The following CFAP69 variants were observed in gnomAD, a reference collection of about 807,000 sequenced individuals.
CFAP69 encodes the protein cilia- and flagella-associated protein 69.
A neutral mutation model predicts 123.0 loss-of-function variants in CFAP69; 92 were observed. The observed-to-expected ratio is 0.75, with a 90% confidence interval of 0.63 to 0.89. The LOEUF (loss-of-function observed/expected upper bound fraction) is 0.89. Among genes scored for constraint, CFAP69 ranks in the 40% least tolerant of loss-of-function variants. CFAP69 has a pLI of 0.00. For synonymous variants in CFAP69, 380 were observed against 364.3 expected (o/e 1.04, Z -0.49); for missense variants, 1,067 against 1,096.9 (o/e 0.97, Z 0.39).
intron 22 of CFAP69, 148 bp from the exon 23 acceptor site, chr7:90,309,920 G>A (rs1327073972): frequency 1.7e-6 from 1 of 574,334 alleles, no homozygotes; most frequent in African/African-American, 1.9e-5. Flanking sequence ...TGGCTCCGAT[G>A]CCCTTATCTT....
chr7:90,255,457 T>G lies in CFAP69; in HGVS notation c.155T>G (p.Ile52Ser). The G allele has an allele frequency of 6.2e-7, 1 of 1,612,918 alleles. No homozygotes were observed. The highest frequency in any genetic ancestry group is 8.5e-7 in the Non-Finnish European group (1 of 1,179,350). ...AAGCCTATGGACCTTAATCGTGTCA[T>G]CAAACTCCTCGAAGAGACTGATAAA... Reference protein sequence around the residue: ...VFKPMDLNRVIKLLEETDKDG... With the variant: ...VFKPMDLNRVSKLLEETDKDG... The change falls in exon 2 of 23, where the codon ATC becomes AGC. Residue 52 changes from isoleucine (I) to serine (S), a missense_variant. By Grantham distance (142) the Ile-to-Ser change is moderately radical (BLOSUM62 -2). Transcript: ENST00000389297.
At position 90,257,966 on chromosome 7, in the gene CFAP69, C is replaced by T. The variant is rs187341631; in HGVS notation, c.181-132C>T. The T allele has an allele frequency of 2.1e-3, 1,204 of 560,598 alleles. 7 individuals are homozygous for T. The highest frequency in any genetic ancestry group is 8.3e-3 in the Middle Eastern group (17 of 2,054). 34.7% of individuals were successfully genotyped at this position (560,598 alleles called of 1,614,324 possible). ...CACTGTTTCAGAAAACATTTTATAA[C>T]GTTTACATTATAATATAGTAATTTA... On this transcript the variant is annotated intron_variant, in intron 2 of 22. Coordinates refer to ENST00000389297, the MANE Select transcript of CFAP69 (RefSeq NM_001039706.3).
intron 15 of CFAP69, among the ~76,000 whole-genome samples, chr7:90,288,666 A>T (rs776325356): frequency 2.2e-4 from 33 of 149,134 alleles, no homozygotes; most frequent in Non-Finnish European, 4.6e-4. Context: ...AATAAAAGAT[A>T]AAAAAAAATT....
chr7:90,284,155 G>GT (rs1290903067), intron 13 of CFAP69, among the ~76,000 whole-genome samples: 5 of 152,174 alleles, frequency 3.3e-5, no homozygotes, highest in Admixed American at 6.6e-5. Flanking sequence ...AATAGCAATG[G>GT]TTTTTTTCTT....
chr7:90,286,800 C>T (rs1790352600), intron 14 of CFAP69, among the ~76,000 whole-genome samples: 1 of 151,884 alleles, frequency 6.6e-6, no homozygotes, highest in Admixed American at 6.6e-5. Flanking sequence ...GAAATATATC[C>T]ATGTTGGCCG....
chr7:90,250,072 G>T (rs1482982980), intron 1 of CFAP69, among the ~76,000 whole-genome samples: 2 of 152,038 alleles, frequency 1.3e-5, no homozygotes, highest in Non-Finnish European at 2.9e-5. Flanking sequence ...TCTGTAGTTG[G>T]CTGCATGTGT....
At chr7:90,258,849 G>A (rs975720871) in intron 3 of CFAP69, among the ~76,000 whole-genome samples, 39 of 152,154 alleles carry the variant, frequency 2.6e-4, no homozygotes, top group Non-Finnish European at 8.8e-5. Context: ...TGTGGATAAT[G>A]TCAGTTTTTG....
In CFAP69 at chr7:90,245,237, G is replaced by C. The variant is rs1796186695; in HGVS notation, c.-188G>C. 3 of 651,746 alleles carry C rather than the reference G, an allele frequency of 4.6e-6. No individual in the cohort carries two copies. The highest frequency in any genetic ancestry group is 6.9e-6 in the Non-Finnish European group (3 of 437,774). 40.4% of individuals were successfully genotyped at this position (651,746 alleles called of 1,614,324 possible). A position where few individuals can be genotyped will look rare whatever the true frequency, so the allele number is the denominator to read the frequency against. ...CAGAGGTCTGGGTCAACTGGGGGGCGGCAGCGGCGCTAAGCGGACTGTATG... is the reference window on the plus strand; with the variant it reads ...CAGAGGTCTGGGTCAACTGGGGGGCCGCAGCGGCGCTAAGCGGACTGTATG... On this transcript the variant is annotated 5_prime_UTR_variant, in exon 1 of 23. Transcript: ENST00000389297.
At chr7:90,307,920 G>A in intron 21 of CFAP69, 66 bp downstream of exon 21, 1 of 1,013,140 alleles carries the variant, frequency 9.9e-7, no homozygotes, top group Non-Finnish European at 1.5e-6. Flanking sequence ...GACTTTTTCA[G>A]GAACAAATAT....
At position 90,304,828 on chromosome 7, in the gene CFAP69, T is replaced by C; in HGVS notation, c.2265+8T>C. 1 of 1,405,086 alleles carries C rather than the reference T, an allele frequency of 7.1e-7. No homozygotes were observed. Among genetic ancestry groups the C allele is most frequent in the Non-Finnish European group, 9.9e-7 (1 of 1,006,416 alleles). The allele number at this position is 1,405,086 out of a possible 1,614,324, so 87.0% of individuals were successfully genotyped here. On this transcript the variant is annotated splice_region_variant and intron_variant, in intron 19 of 22. Transcript: ENST00000389297. ...AGATATCTTGATTTTAAAGTAAGTA[T>C]CTTTTTAATAACCTGATTATTAAAA... is the stretch of plus-strand genomic sequence containing the variant.
chr7:90,245,549 G>T lies in CFAP69; in HGVS notation c.120+5G>T. 1.3e-6 allele frequency: 2 copies of T among 1,489,194 alleles called. No homozygotes were observed. Among genetic ancestry groups the T allele is most frequent in the South Asian group, 2.7e-5 (2 of 73,468 alleles). The allele number at this position is 1,489,194 out of a possible 1,614,324, so 92.2% of individuals were successfully genotyped here. A position where few individuals can be genotyped will look rare whatever the true frequency, so the allele number is the denominator to read the frequency against. ...ACGGAGGACGATGAGGCGCAGGTAT[G>T]AGCAGGTGTCTGTGCTTTCAGAGGT... On this transcript the variant is annotated splice_donor_5th_base_variant and intron_variant, in intron 1 of 22. Coordinates refer to ENST00000389297, the MANE Select transcript of CFAP69 (RefSeq NM_001039706.3).
chr7:90,276,849 GT>G (rs1431383709), intron 9 of CFAP69, among the ~76,000 whole-genome samples: 2 of 152,100 alleles, frequency 1.3e-5, no homozygotes, highest in Admixed American at 6.6e-5. Flanking sequence ...ACAGAAGTAA[GT>G]TTAAAATTAA....
downstream of CFAP69, among the ~76,000 whole-genome samples, chr7:90,314,287 T>C (rs941303063): frequency 6.6e-6 from 1 of 152,130 alleles, no homozygotes; most frequent in African/African-American, 2.4e-5. Flanking sequence ...TTGGTTTCAG[T>C]GTATTAGTTG....
rs201626420 is a variant in CFAP69, at chr7:90,284,257, T to TAA, written c.1537+1201_1537+1202insAA. On this transcript the variant is annotated intron_variant, in intron 13 of 22. Coordinates refer to ENST00000389297, the MANE Select transcript of CFAP69 (RefSeq NM_001039706.3). ...CTTGTCTTATTGAGTCTAACATGGC[T>TAA]GTGTAGTAGTAACGTGCTCAATAAG... is the stretch of plus-strand genomic sequence containing the variant. Among the ~76,000 whole-genome samples, 1,283 of 152,276 alleles carry TAA rather than the reference T, an allele frequency of 8.4e-3. 9 individuals are homozygous for TAA. The highest frequency in any genetic ancestry group is 0.061 in the Middle Eastern group (18 of 294).
chr7:90,293,391 G>A (rs1251792444), intron 15 of CFAP69, among the ~76,000 whole-genome samples: 2 of 152,052 alleles, frequency 1.3e-5, no homozygotes, highest in Non-Finnish European at 2.9e-5. Flanking sequence ...ACAGGATTTT[G>A]CTCCAAGAAA....
In CFAP69 at chr7:90,286,345, G is replaced by A; in HGVS notation, c.1602G>A (p.Gln534=). 1 of 1,611,298 alleles carries A rather than the reference G, an allele frequency of 6.2e-7. No homozygotes were observed. The highest frequency in any genetic ancestry group is 1.1e-5 in the South Asian group (1 of 90,786). ...AAGAAGCCATTGTTTTGGAAATCCAGTCTGATATATTACTTATCCTATCTG... is the reference window on the plus strand; with the variant it reads ...AAGAAGCCATTGTTTTGGAAATCCAATCTGATATATTACTTATCCTATCTG... ...EKEEAIVLEI[Q]SDILLILSGL... Residue 534 remains glutamine (Q), a synonymous_variant, in exon 14 of 23, where the codon CAG becomes CAA. Coordinates refer to ENST00000389297, the MANE Select transcript of CFAP69 (RefSeq NM_001039706.3).
At chr7:90,279,612 A>T (rs1398782142) in intron 11 of CFAP69, 65 bp from the exon 12 acceptor site, 2 of 958,024 alleles carry the variant, frequency 2.1e-6, no homozygotes, top group African/African-American at 1.7e-5. Context: ...GTAAATTTTT[A>T]TTTAATTGCC....
At chr7:90,321,771 C>G in the CFAP69 span, among the ~76,000 whole-genome samples, 2 of 152,120 alleles carry the variant, frequency 1.3e-5, no homozygotes, top group African/African-American at 4.8e-5. Context: ...GCAAACATAC[C>G]CTTGCTTCTA....
intron 8 of CFAP69, among the ~76,000 whole-genome samples, chr7:90,273,650 T>C (rs1279578199): frequency 2.0e-5 from 3 of 152,168 alleles, no homozygotes; most frequent in East Asian, 3.8e-4. Context: ...TACCGTAAAC[T>C]GGGTGGTTTA....
Sources: gnomAD v4.1 joint callset for allele counts (sites outside exome capture counted in the v4.1 genomes callset) on GRCh38, gnomAD v4.1.1 for gene constraint, MANE v1.5 for transcripts, NCBI Gene and HGNC (gene_info 2026-07-23, HGNC 2026-07-21) for gene names.